Variants in SRRM2 observed in about 807,000 individuals in gnomAD.
The protein encoded by SRRM2 is serine/arginine repetitive matrix protein 2.
SRRM2 carries 30 observed loss-of-function variants against 213.8 expected under a neutral mutation model. The ratio of observed to expected loss-of-function variants is 0.14; its 90% CI spans 0.10 to 0.19. SRRM2 has a LOEUF of 0.19. Among genes scored for constraint, SRRM2 ranks in the 10% least tolerant of loss-of-function variants. The pLI is 1.00. For synonymous variants in SRRM2, 2,025 were observed against 1,377.7 expected (o/e 1.47, Z -10.40); for missense variants, 4,904 against 3,647.0 (o/e 1.34, Z -8.88).
rs144862751 is a variant in SRRM2 at position 2,757,369 on chromosome 16, C to T, written c.243-103C>T. ...TTGGGTGAGCGAAAAGTTCTGTGTG[C>T]GCATGGAGAGGGAGGGGCCCCTTTT... On this transcript the variant is annotated intron_variant, in intron 2 of 14. Transcript: ENST00000301740. 3.6e-5 allele frequency: 33 copies of T among 918,618 alleles called. No individual in the cohort carries two copies. The East Asian group carries it at 4.9e-4, about 14-fold the overall frequency. 56.9% of individuals were successfully genotyped at this position (918,618 alleles called of 1,614,324 possible).
In SRRM2 at chr16:2,765,221, T is replaced by C. The variant is rs2068497419; in HGVS notation, c.4693T>C (p.Ser1565Pro). 1.2e-6 allele frequency: 2 copies of C among 1,614,064 alleles called. No homozygotes were observed. ...ERSESDSSPD[S>P]KAKTRTPLRQ... ...AAGTGAGTCAGACTCTTCTCCAGAT[T>C]CTAAAGCCAAGACAAGAACCCCACT... Residue 1565 changes from serine (S) to proline (P), a missense_variant, in exon 11 of 15, where the codon TCT becomes CCT. By Grantham distance (74) the Ser-to-Pro change is moderately conservative. Transcript: ENST00000301740.
chr16:2,765,328 C>T lies in SRRM2; in HGVS notation c.4800C>T (p.Ser1600=). The change falls in exon 11 of 15, where the codon TCC becomes TCT. Residue 1600 remains serine, a synonymous_variant. Transcript: ENST00000301740. ...CCCCTCGGCGCAGTAGGTCTGGTTCCTCCCCTGAAGTGAAAGATAAGCCAA... is the reference window on the plus strand; with the variant it reads ...CCCCTCGGCGCAGTAGGTCTGGTTCTTCCCCTGAAGTGAAAGATAAGCCAA... ...RLSPRRSRSG[S]SPEVKDKPRA... The T allele has an allele frequency of 2.5e-6, 4 of 1,614,154 alleles. No individual in the cohort carries two copies. Among genetic ancestry groups the T allele is most frequent in the East Asian group, 2.2e-5 (1 of 44,876 alleles).
intron 12 of SRRM2, 47 bp from the exon 13 acceptor site, chr16:2,770,305 T>C: frequency 1.3e-6 from 2 of 1,520,462 alleles, no homozygotes; most frequent in Non-Finnish European, 1.8e-6. Context: ...TGCTGGCCCG[T>C]GTGCTTGAAA....
chr16:2,766,499 C>A lies in SRRM2; in HGVS notation c.5971C>A (p.Arg1991=), dbSNP rs1308768786. The stretch of plus-strand genomic sequence containing the variant: ...AAGATCCAGAACATCTCCGGTCACC[C>A]GAAGGAGATCTCGATCTCGCACATC... The part of the protein sequence containing the change: ...RSRSRTSPVT[R]RRSRSRTSPV... The change falls in exon 11 of 15, where the codon CGA becomes AGA. Residue 1991 remains arginine (R), a synonymous_variant. Transcript: ENST00000301740. This position sits in a 1 kb window ranked among gnomAD's most constrained non-coding sequence, Gnocchi z 7.0. 6 of 1,613,832 alleles carry A rather than the reference C, an allele frequency of 3.7e-6. No homozygotes were observed. The highest frequency in any genetic ancestry group is 5.1e-6 in the Non-Finnish European group (6 of 1,179,976).
In SRRM2 at chr16:2,767,904, C is replaced by T; in HGVS notation, c.7376C>T (p.Ser2459Phe). The T allele has an allele frequency of 6.2e-7, 1 of 1,614,160 alleles. No homozygotes were observed. The highest frequency in any genetic ancestry group is 8.5e-7 in the Non-Finnish European group (1 of 1,180,040). Reference sequence around the variant, plus strand: ...GTGCCTTCTGCTTTTTCAGACCAATCCCGTTGTTTGATTGCCCAGACCACC... The same window carrying T: ...GTGCCTTCTGCTTTTTCAGACCAATTCCGTTGTTTGATTGCCCAGACCACC... ...SPVPSAFSDQ[S>F]RCLIAQTTPV... The change falls in exon 11 of 15, where the codon TCC becomes TTC. Residue 2459 changes from serine to phenylalanine, a missense_variant. Ser to Phe is a radical substitution (Grantham distance 155, BLOSUM62 -2). Transcript: ENST00000301740.
rs2067966852 is a variant in SRRM2 at position 2,752,741 on chromosome 16, G to A, written c.-137G>A. 1.1e-5 allele frequency: 4 copies of A among 351,302 alleles called. No individual in the cohort carries two copies. Among genetic ancestry groups the A allele is most frequent in the Non-Finnish European group, 2.3e-5 (4 of 176,640 alleles). The allele number at this position is 351,302 out of a possible 1,614,324, so 21.8% of individuals were successfully genotyped here. A position where few individuals can be genotyped will look rare whatever the true frequency, so the allele number is the denominator to read the frequency against. On this transcript the variant is annotated 5_prime_UTR_variant, in exon 1 of 15. Transcript: ENST00000301740. ...GGCGTCGGCGTCGGCTGAGGCGGGC[G>A]GACCGGCGAGGCGAGGCGGCGGCCC...
rs773448090 is a variant in SRRM2, at chr16:2,767,608, C to T, written c.7080C>T (p.Ala2360=). The T allele has an allele frequency of 7.4e-6, 12 of 1,614,108 alleles. No individual in the cohort carries two copies. Among genetic ancestry groups the T allele is most frequent in the Non-Finnish European group, 9.3e-6 (11 of 1,180,040 alleles). The part of the protein sequence containing the change: ...VNIAGSRTAA[A]LAPASLTSAR... ...TTGCCGGCTCCAGAACCGCCGCAGC[C>T]TTGGCCCCCGCGAGCCTCACCAGTG... The change falls in exon 11 of 15, where the codon GCC becomes GCT. Residue 2360 remains alanine, a synonymous_variant. Transcript: ENST00000301740.
chr16:2,762,435 G>C lies in SRRM2; in HGVS notation c.1907G>C (p.Arg636Pro). The C allele has an allele frequency of 6.2e-7, 1 of 1,613,876 alleles. No individual in the cohort carries two copies. The highest frequency in any genetic ancestry group is 8.5e-7 in the Non-Finnish European group (1 of 1,179,966). ...CGATCACCAGTACGACGCAGGTCTC[G>C]TAGTAGATCACCAGCCAGGAGAAGT... is the stretch of plus-strand genomic sequence containing the variant. ...RTRSPVRRRS[R>P]SRSPARRSGR... is the part of the protein sequence containing the mutation. Residue 636 changes from arginine (R) to proline (P), a missense_variant, in exon 11 of 15, where the codon CGT becomes CCT. By Grantham distance (103) the Arg-to-Pro change is moderately radical (BLOSUM62 -2). Coordinates refer to ENST00000301740, the MANE Select transcript of SRRM2 (RefSeq NM_016333.4).
rs551794563 is a variant in SRRM2, at chr16:2,762,634, C to G, written c.2106C>G (p.Ser702=). The G allele has an allele frequency of 2.5e-6, 4 of 1,613,988 alleles. No individual in the cohort carries two copies. In the South Asian group the frequency reaches 4.4e-5, roughly 18 times the overall value. Reference sequence around the variant, plus strand: ...CTAGGACACCAAGACGAGGAAGATCCCGCAGTAGAAGCTTAGTTAGACGTG... The same window carrying G: ...CTAGGACACCAAGACGAGGAAGATCGCGCAGTAGAAGCTTAGTTAGACGTG... ...SRSRTPRRGR[S]RSRSLVRRGR... The change falls in exon 11 of 15, where the codon TCC becomes TCG. Residue 702 remains serine, a synonymous_variant. Transcript: ENST00000301740.
Position 2,767,209 on chromosome 16 carries a change from C to T in SRRM2, c.6681C>T (p.Asn2227=), listed in dbSNP as rs780097594. Residue 2227 remains asparagine (N), a synonymous_variant, in exon 11 of 15, where the codon AAC becomes AAT. Coordinates refer to ENST00000301740, the MANE Select transcript of SRRM2 (RefSeq NM_016333.4). ...LMSLRTAPAA[N]LASRIPAASA... is the part of the protein sequence containing the mutation. ...GTCTCAGAACCGCACCAGCAGCCAA[C>T]CTTGCCAGCAGGATTCCTGCAGCCT... 6.2e-7 allele frequency: 1 copy of T among 1,614,222 alleles called. No individual in the cohort carries two copies. The highest frequency in any genetic ancestry group is 1.1e-5 in the South Asian group (1 of 91,084).
rs1462746519 is a variant in SRRM2 at position 2,771,246 on chromosome 16, C to CT, written c.*381dup. ...GGGACTGGAGGTTGTATAAGGTGTT[C>CT]TTGGAAGGAAGGGGCAGGAGTTGGA... On this transcript the variant is annotated 3_prime_UTR_variant, in exon 15 of 15. Coordinates refer to ENST00000301740, the MANE Select transcript of SRRM2 (RefSeq NM_016333.4). The CT allele has an allele frequency of 4.2e-6, 3 of 722,736 alleles. No individual in the cohort carries two copies. Among genetic ancestry groups the CT allele is most frequent in the African/African-American group, 1.8e-5 (1 of 56,562 alleles). 44.8% of individuals were successfully genotyped at this position (722,736 alleles called of 1,614,324 possible).
Position 2,767,755 on chromosome 16 carries a change from A to G in SRRM2, c.7227A>G (p.Thr2409=). Residue 2409 remains threonine (T), a synonymous_variant, in exon 11 of 15, where the codon ACA becomes ACG. Transcript: ENST00000301740. ...TCCTTGACCGAGCTAGGTCCAGAAC[A>G]CCACCGTCTGCCCCAAGCCAATCTA... ...PPLLDRARSR[T]PPSAPSQSRM... 6.2e-7 allele frequency: 1 copy of G among 1,609,508 alleles called. No individual in the cohort carries two copies. Among genetic ancestry groups the G allele is most frequent in the Non-Finnish European group, 8.5e-7 (1 of 1,178,870 alleles).
Position 2,765,447 on chromosome 16 carries a change from C to T in SRRM2, c.4919C>T (p.Ser1640Leu), listed in dbSNP as rs778884127. The change falls in exon 11 of 15, where the codon TCA becomes TTA. Residue 1640 changes from serine to leucine, a missense_variant. Transcript: ENST00000301740. The stretch of plus-strand genomic sequence containing the variant: ...CTTCCCAGACGAAGCAGATCAGGTT[C>T]ATCAAGCAAAGGCAGAGGCCCTTCT... ...RALPRRSRSG[S>L]SSKGRGPSPE... 29 of 1,614,068 alleles carry T rather than the reference C, an allele frequency of 1.8e-5. No individual in the cohort carries two copies. The highest frequency in any genetic ancestry group is 8.3e-5 in the Admixed American group (5 of 60,010).
intron 5 of SRRM2, 43 bp from the exon 6 acceptor site, chr16:2,758,942 A>C: frequency 6.2e-7 from 1 of 1,612,210 alleles, no homozygotes; most frequent in Non-Finnish European, 8.5e-7. Flanking sequence ...AGGGCCAGGA[A>C]AGAAGCCAAG....
Position 2,762,016 on chromosome 16 carries a change from G to A in SRRM2, c.1488G>A (p.Arg496=), listed in dbSNP as rs1596275473. 2 of 1,614,206 alleles carry A rather than the reference G, an allele frequency of 1.2e-6. No individual in the cohort carries two copies. Among genetic ancestry groups the A allele is most frequent in the African/African-American group, 1.3e-5 (1 of 75,052 alleles). ...CCACCGCTAAGAGAGGGCGATCTCG[G>A]TCTCGAACCCCTACCAAGAGAGGTC... ...SPATAKRGRS[R]SRTPTKRGHS... is the part of the protein sequence containing the mutation. Residue 496 remains arginine (R), a synonymous_variant, in exon 11 of 15, where the codon CGG becomes CGA. Coordinates refer to ENST00000301740, the MANE Select transcript of SRRM2 (RefSeq NM_016333.4).
intron 1 of SRRM2, among the ~76,000 whole-genome samples, chr16:2,754,066 A>G (rs1309467282): frequency 6.6e-6 from 1 of 152,058 alleles, no homozygotes; most frequent in African/African-American, 2.4e-5. Flanking sequence ...AACTTGGGTA[A>G]CTTTTGCATA....
At position 2,765,609 on chromosome 16, in the gene SRRM2, C is replaced by T. The variant is rs201186020; in HGVS notation, c.5081C>T (p.Ser1694Phe). ...CCTCGACGTCGCAGCTCTCGATCAT[C>T]TCCGGAGCTAACAAGGAAGGCCAGA... is the stretch of plus-strand genomic sequence containing the variant. Reference protein sequence around the residue: ...TPPRRRSSRSSPELTRKARLS... With the variant: ...TPPRRRSSRSFPELTRKARLS... The change falls in exon 11 of 15, where the codon TCT becomes TTT. Residue 1694 changes from serine (S) to phenylalanine (F), a missense_variant. Ser to Phe is a radical substitution (Grantham distance 155). Coordinates refer to ENST00000301740, the MANE Select transcript of SRRM2 (RefSeq NM_016333.4). The T allele has an allele frequency of 1.1e-5, 18 of 1,614,208 alleles. No homozygotes were observed. The East Asian group carries it at 3.1e-4, about 28-fold the overall frequency.
chr16:2,757,204 G>A (rs949135335), intron 2 of SRRM2, among the ~76,000 whole-genome samples: 1 of 152,128 alleles, frequency 6.6e-6, no homozygotes, highest in Non-Finnish European at 1.5e-5. Context: ...TTGAAGTTGG[G>A]GAGGAGCACT....
Position 2,766,457 on chromosome 16 carries a change from A to G in SRRM2, c.5929A>G (p.Ile1977Val), listed in dbSNP as rs377046834. ...GCGATCTCGAAGCAGAACTTCGCCT[A>G]TCACTCGCAGAAGATCAAGATCCAG... ...RRRSRSRTSP[I>V]TRRRSRSRTS... Residue 1977 changes from isoleucine to valine, a missense_variant, in exon 11 of 15, where the codon ATC becomes GTC. Physicochemically the swap from Ile to Val is conservative, Grantham distance 29 (BLOSUM62 3). Coordinates refer to ENST00000301740, the MANE Select transcript of SRRM2 (RefSeq NM_016333.4). The surrounding 1 kb of genome is among the most constrained non-coding windows in gnomAD (Gnocchi z 7.0). 140 of 1,613,954 alleles carry G rather than the reference A, an allele frequency of 8.7e-5. 1 individual carries two copies. The highest frequency in any genetic ancestry group is 6.6e-4 in the Middle Eastern group (4 of 6,060).
Sources: gnomAD v4.1 joint callset for allele counts (sites outside exome capture counted in the v4.1 genomes callset) on GRCh38, gnomAD v4.1.1 for gene constraint, Gnocchi (gnomAD v3.1) non-coding constraint, MANE v1.5 for transcripts, NCBI Gene and HGNC (gene_info 2026-07-23, HGNC 2026-07-21) for gene names.